Variants in KIT observed in about 807,000 individuals in gnomAD.
The protein encoded by KIT is mast/stem cell growth factor receptor Kit.
In KIT, 16 loss-of-function variants were observed where a neutral mutation model predicts 105.7. The ratio of observed to expected loss-of-function variants is 0.15; its 90% CI spans 0.10 to 0.23. The LOEUF (loss-of-function observed/expected upper bound fraction) is 0.23, where lower values mean the gene tolerates loss of function less well. Ranked by LOEUF, KIT falls within the 10% of genes least tolerant of loss-of-function variation. KIT has a pLI of 1.00. For missense variants in KIT, 858 were observed against 1,213.8 expected, an observed-to-expected ratio of 0.71 and a Z score of 4.36; for synonymous variants, 438 against 441.1, an observed-to-expected ratio of 0.99 and a Z score of 0.09.
At chr4:54,708,101 G>T (rs1720905591) in intron 6 of KIT, among the ~76,000 whole-genome samples, 1 of 152,190 alleles carries the variant, frequency 6.6e-6, no homozygotes, top group South Asian at 2.1e-4. Flanking sequence ...GTGATTGAGA[G>T]GGCAGGAGAG....
intron 1 of KIT, among the ~76,000 whole-genome samples, chr4:54,689,447 T>A (rs1719542501): frequency 6.6e-6 from 1 of 152,222 alleles, no homozygotes; most frequent in Admixed American, 6.5e-5. Flanking sequence ...AATAAGAGCT[T>A]CCAGGTCTTT....
chr4:54,695,464 C>T (rs764670087), intron 1 of KIT, 48 bp from the exon 2 acceptor site: 183 of 1,605,852 alleles, frequency 1.1e-4, no homozygotes, highest in Non-Finnish European at 1.5e-4. Flanking sequence ...TGCTTTATTT[C>T]GCCAAGGAAG....
At chr4:54,702,535 T>C (rs1720521164) in intron 4 of KIT, among the ~76,000 whole-genome samples, 1 of 152,138 alleles carries the variant, frequency 6.6e-6, no homozygotes, top group South Asian at 2.1e-4. Flanking sequence ...TTTTTTCTCT[T>C]TTCCCCTATG....
chr4:54,708,865 C>T (rs1477560042), intron 6 of KIT, among the ~76,000 whole-genome samples: 4 of 152,122 alleles, frequency 2.6e-5, no homozygotes, highest in Non-Finnish European at 5.9e-5. Flanking sequence ...CCCTATATGG[C>T]GGTCCTGCAA....
chr4:54,712,638 A>T (rs1452901645), intron 7 of KIT, among the ~76,000 whole-genome samples: 1 of 152,198 alleles, frequency 6.6e-6, no homozygotes, highest in South Asian at 2.1e-4. Flanking sequence ...CCATTCCAGC[A>T]GGCTCAGTTT....
At chr4:54,704,319 C>G (rs920454711) in intron 5 of KIT, among the ~76,000 whole-genome samples, 1 of 152,204 alleles carries the variant, frequency 6.6e-6, no homozygotes, top group Non-Finnish European at 1.5e-5. Flanking sequence ...TGTTTTGCCA[C>G]TCATCAGATC....
At position 54,710,195 on chromosome 4, in the gene KIT, G is replaced by A. The variant is rs1721055496; in HGVS notation, c.1231+656G>A. On this transcript the variant is annotated intron_variant, in intron 7 of 20. Transcript: ENST00000288135. ...GTCTGCTCTGAAGTTGAGGCCAAGG[G>A]AGCCCGATCATGAGCTGGACCTTTT... Among the ~76,000 whole-genome samples the A allele has an allele frequency of 2.0e-5, 3 of 152,172 alleles. No individual in the cohort carries two copies. In the South Asian group the frequency reaches 6.2e-4, roughly 32 times the overall value.
intron 1 of KIT, among the ~76,000 whole-genome samples, chr4:54,658,980 G>A (rs1196953574): frequency 1.3e-5 from 2 of 152,178 alleles, no homozygotes; most frequent in African/African-American, 4.8e-5. Flanking sequence ...TGCGTTCCCT[G>A]ACTCCAACCG....
intron 1 of KIT, among the ~76,000 whole-genome samples, chr4:54,668,151 T>TC (rs1272850081): frequency 3.9e-5 from 6 of 152,178 alleles, no homozygotes; most frequent in South Asian, 2.1e-4. Flanking sequence ...CTTCCCTGGA[T>TC]CCCCCCGAGT....
intron 1 of KIT, among the ~76,000 whole-genome samples, chr4:54,689,365 A>G (rs1293669464): frequency 6.6e-6 from 1 of 152,250 alleles, no homozygotes; most frequent in African/African-American, 2.4e-5. Flanking sequence ...GCAGAAGAGC[A>G]AAGATACACT....
At chr4:54,736,843 T>G (rs760505457) in intron 19 of KIT, 23 bp downstream of exon 19, 1 of 1,577,864 alleles carries the variant, frequency 6.3e-7, no homozygotes, top group Non-Finnish European at 8.7e-7. Context: ...AAATTTTTCC[T>G]TTAGGTCACG....
chr4:54,724,821 G>A (rs1278024591), intron 8 of KIT, among the ~76,000 whole-genome samples: 5 of 152,052 alleles, frequency 3.3e-5, no homozygotes, highest in Non-Finnish European at 7.4e-5. Flanking sequence ...GTGTTGGGTC[G>A]CATTCAAAGC....
Position 54,727,135 on chromosome 4 carries a change from T to C in KIT, c.1541-83T>C, listed in dbSNP as rs546935727. The stretch of plus-strand genomic sequence containing the variant: ...CTGCCATGGGCTGTGAGTTGGGAGG[T>C]GGGGTCAGTTTGGGACTGAGTGGCT... On this transcript the variant is annotated intron_variant, in intron 9 of 20. Coordinates refer to ENST00000288135, the MANE Select transcript of KIT (RefSeq NM_000222.3). 235 of 1,110,188 alleles carry C rather than the reference T, an allele frequency of 2.1e-4. 3 individuals carry two copies. The highest frequency in any genetic ancestry group is 1.2e-3 in the Middle Eastern group (6 of 5,058). The allele number at this position is 1,110,188 out of a possible 1,614,324, so 68.8% of individuals were successfully genotyped here. A position where few individuals can be genotyped will look rare whatever the true frequency, so the allele number is the denominator to read the frequency against.
chr4:54,727,199 C>A lies in KIT; in HGVS notation c.1541-19C>A, dbSNP rs2109773500. 6.2e-7 allele frequency: 1 copy of A among 1,608,510 alleles called. No homozygotes were observed. Among genetic ancestry groups the A allele is most frequent in the Non-Finnish European group, 8.5e-7 (1 of 1,174,954 alleles). ...CATCCTGCCAAAGTTTGTGATTCCA[C>A]ATTTCTCTTCCATTGTAGAGCAAAT... On this transcript the variant is annotated intron_variant, in intron 9 of 20. Coordinates refer to ENST00000288135, the MANE Select transcript of KIT (RefSeq NM_000222.3).
intron 1 of KIT, among the ~76,000 whole-genome samples, chr4:54,666,977 C>T (rs367785215): frequency 1.3e-5 from 2 of 152,086 alleles, no homozygotes; most frequent in Non-Finnish European, 2.9e-5. Flanking sequence ...AGAAATTGTA[C>T]GGTGTGGTAG....
chr4:54,735,878 C>G (rs1722897746), intron 17 of KIT, among the ~76,000 whole-genome samples: 5 of 152,080 alleles, frequency 3.3e-5, no homozygotes, highest in Admixed American at 2.6e-4. Context: ...CCATGCTTAG[C>G]CATTCCTGAG....
At chr4:54,697,944 C>A (rs552151370) in intron 2 of KIT, among the ~76,000 whole-genome samples, 1 of 152,246 alleles carries the variant, frequency 6.6e-6, no homozygotes, top group East Asian at 1.9e-4. Flanking sequence ...TTCCAATCAG[C>A]CATTTCCAGG....
chr4:54,701,288 G>A (rs1483579740), intron 4 of KIT, among the ~76,000 whole-genome samples: 3 of 152,192 alleles, frequency 2.0e-5, no homozygotes, highest in East Asian at 1.9e-4. Context: ...TTGCAGATGG[G>A]GCTCATGGCT....
chr4:54,698,278 C>T lies in KIT; in HGVS notation c.338-6C>T, dbSNP rs2109671574. ...CCAACTACTGATTTTGGATATGCTTCTATAGATCCTGCCAAGCTTTTCCTT... is the reference window on the plus strand; with the variant it reads ...CCAACTACTGATTTTGGATATGCTTTTATAGATCCTGCCAAGCTTTTCCTT... On this transcript the variant is annotated splice_polypyrimidine_tract_variant and splice_region_variant and intron_variant, in intron 2 of 20. Coordinates refer to ENST00000288135, the MANE Select transcript of KIT (RefSeq NM_000222.3). 1.9e-6 allele frequency: 3 copies of T among 1,613,154 alleles called. No homozygotes were observed. Among genetic ancestry groups the T allele is most frequent in the Non-Finnish European group, 1.7e-6 (2 of 1,179,542 alleles).
Sources: allele counts gnomAD v4.1 joint callset (sites outside exome capture counted in the v4.1 genomes callset), GRCh38; gene constraint gnomAD v4.1.1; transcripts MANE v1.5; gene names NCBI Gene and HGNC (gene_info 2026-07-23, HGNC 2026-07-21).